The following TAF4B variants were observed in gnomAD, a reference collection of about 807,000 sequenced individuals.
TAF4B encodes the protein transcription initiation factor TFIID subunit 4B.
In TAF4B, 38 loss-of-function variants were observed where a neutral mutation model predicts 86.4. That is an observed-to-expected ratio of 0.44 (90% CI 0.34 to 0.58). The LOEUF (loss-of-function observed/expected upper bound fraction) is 0.58, where lower values mean the gene tolerates loss of function less well. Among genes scored for constraint, TAF4B ranks in the 20% least tolerant of loss-of-function variants. The probability of loss-of-function intolerance (pLI) is 0.02; values close to 1 mark genes in which losing one functional copy is unlikely to be tolerated. For synonymous variants in TAF4B, 388 were observed against 391.2 expected (o/e 0.99, Z 0.10); for missense variants, 988 against 1,027.6 (o/e 0.96, Z 0.53).
rs1417935272 is a variant in TAF4B, at chr18:26,292,374, T to C, written c.1719T>C (p.Phe573=). Residue 573 remains phenylalanine, a synonymous_variant, in exon 8 of 15, where the codon TTT becomes TTC. Transcript: ENST00000269142. Reference sequence around the variant, plus strand: ...ACACCATAATACCTACTAGTCAGTTTCCTCCAGGTAGATGCTGGTCCATCT... The same window carrying C: ...ACACCATAATACCTACTAGTCAGTTCCCTCCAGGTAGATGCTGGTCCATCT... The part of the protein sequence containing the change: ...PVNTIIPTSQ[F]PPASILKQIT... The C allele has an allele frequency of 3.1e-6, 5 of 1,612,370 alleles. No homozygotes were observed. In the South Asian group the frequency reaches 5.5e-5, roughly 18 times the overall value.
At chr18:26,291,569 TG>T (rs2056593453) in intron 7 of TAF4B, among the ~76,000 whole-genome samples, 1 of 151,692 alleles carries the variant, frequency 6.6e-6, no homozygotes, top group African/African-American at 2.4e-5. Flanking sequence ...TAGCCAGGCC[TG>T]GTGGTGCGTG....
chr18:26,301,749 C>T (rs12964759), intron 9 of TAF4B, among the ~76,000 whole-genome samples: 38,793 of 152,064 alleles, frequency 0.26, 5,270 homozygotes, highest in Non-Finnish European at 0.3. Context: ...AAATGCCTCA[C>T]TTATTAATAG....
chr18:26,330,984 C>G (rs575628542), intron 12 of TAF4B, among the ~76,000 whole-genome samples: 1 of 152,152 alleles, frequency 6.6e-6, no homozygotes, highest in Non-Finnish European at 1.5e-5. Context: ...ACCCCCACTC[C>G]CTCACCACCT....
chr18:26,240,694 A>G (rs1289526317), intron 1 of TAF4B, among the ~76,000 whole-genome samples: 2 of 152,086 alleles, frequency 1.3e-5, no homozygotes, highest in African/African-American at 4.8e-5. Context: ...CAGTTTTTGT[A>G]CATTCAGTAT....
chr18:26,389,948 T>G lies in TAF4B; in HGVS notation c.2525T>G (p.Phe842Cys), dbSNP rs1978608022. Residue 842 changes from phenylalanine to cysteine, a missense_variant, in exon 15 of 15, where the codon TTT (phenylalanine) becomes TGT (cysteine). This residue lies in a region of TAF4B where 216 missense variants were observed against 238.4 expected (regional missense o/e 0.91). Coordinates refer to ENST00000269142, the MANE Select transcript of TAF4B (RefSeq NM_005640.3). ...AGAATCTGCCTCAGGGACTTGATAT[T>G]TTGTATGGAACAGGAACGGGAGATG... ...ITRICLRDLI[F>C]CMEQEREMKY... 6.2e-7 allele frequency: 1 copy of G among 1,614,034 alleles called. No individual in the cohort carries two copies. Among genetic ancestry groups the G allele is most frequent in the Admixed American group, 1.7e-5 (1 of 60,004 alleles).
intron 14 of TAF4B, among the ~76,000 whole-genome samples, chr18:26,370,270 T>A (rs1322267773): frequency 6.6e-6 from 1 of 152,244 alleles, no homozygotes; most frequent in Non-Finnish European, 1.5e-5. Context: ...ACCCAAAGTC[T>A]GTTTCCTGCA....
chr18:26,302,127 A>T (rs2056740184), intron 9 of TAF4B, among the ~76,000 whole-genome samples: 1 of 152,190 alleles, frequency 6.6e-6, no homozygotes. Flanking sequence ...TCTGTAACAG[A>T]AACAGAAGTC....
At chr18:26,273,148 G>T (rs1289831415) in intron 3 of TAF4B, among the ~76,000 whole-genome samples, 3 of 152,156 alleles carry the variant, frequency 2.0e-5, no homozygotes, top group Non-Finnish European at 1.5e-5. Flanking sequence ...TAAGACAGGA[G>T]TTATGCAAAA....
At chr18:26,350,554 T>TA (rs1195937760) in intron 13 of TAF4B, among the ~76,000 whole-genome samples, 1 of 152,290 alleles carries the variant, frequency 6.6e-6, no homozygotes, top group East Asian at 1.9e-4. Flanking sequence ...CATAGGCCTG[T>TA]AGTCCTAGCT....
rs936054841 is a variant in TAF4B, at chr18:26,233,607, T to C, written c.343+6331T>C. Among the ~76,000 whole-genome samples, 3 of 152,148 alleles carry C rather than the reference T, an allele frequency of 2.0e-5. No individual in the cohort carries two copies. The South Asian group carries it at 6.2e-4, about 32-fold the overall frequency. ...AGGCCTGATAACAGGTTGCGCTGCA[T>C]GCATAAAGGGGCTTGGGAAGTTAAG... On this transcript the variant is annotated intron_variant, in intron 1 of 14. Coordinates refer to ENST00000269142, the MANE Select transcript of TAF4B (RefSeq NM_005640.3).
chr18:26,286,554 C>T (rs2056526154), intron 7 of TAF4B, 55 bp downstream of exon 7: 3 of 1,531,240 alleles, frequency 2.0e-6, no homozygotes, highest in Admixed American at 4.2e-5. Context: ...TTTGAACATT[C>T]AGAAAACTGG....
intron 13 of TAF4B, among the ~76,000 whole-genome samples, chr18:26,347,894 A>T (rs1407674670): frequency 6.6e-6 from 1 of 152,248 alleles, no homozygotes; most frequent in Non-Finnish European, 1.5e-5. Context: ...TGTGTACCCA[A>T]CACTGGACCA....
At chr18:26,259,718 A>G (rs900518349) in intron 1 of TAF4B, among the ~76,000 whole-genome samples, 7 of 152,142 alleles carry the variant, frequency 4.6e-5, no homozygotes, top group Admixed American at 6.5e-5. Flanking sequence ...AGTCTTTGCT[A>G]TTGTGAATAG....
intron 14 of TAF4B, among the ~76,000 whole-genome samples, chr18:26,376,469 T>G (rs192732811): frequency 1.2e-3 from 176 of 152,140 alleles, no homozygotes; most frequent in Non-Finnish European, 2.0e-3. Context: ...ATTTTATTTT[T>G]GGGTTGTGCA....
intron 1 of TAF4B, among the ~76,000 whole-genome samples, chr18:26,261,067 T>C (rs573718354): frequency 7.9e-5 from 12 of 152,170 alleles, no homozygotes; most frequent in African/African-American, 2.9e-4. Context: ...TTTTGATTTT[T>C]AAAAAAGGTC....
chr18:26,323,520 C>G (rs946701666), intron 11 of TAF4B, among the ~76,000 whole-genome samples: 12 of 97,888 alleles, frequency 1.2e-4, no homozygotes, highest in Non-Finnish European at 2.4e-4. Flanking sequence ...CCACCACACC[C>G]AACTAATTTT....
chr18:26,321,213 A>G lies in TAF4B; in HGVS notation c.2133+13A>G, dbSNP rs2056959723. The G allele has an allele frequency of 1.9e-6, 3 of 1,613,308 alleles. No individual in the cohort carries two copies. Among genetic ancestry groups the G allele is most frequent in the African/African-American group, 1.3e-5 (1 of 74,932 alleles). Reference sequence around the variant, plus strand: ...GACTACTTACAAGGTAAAGGAAATCATTAAAGAAGTATAAACTCTCGAGTG... The same window carrying G: ...GACTACTTACAAGGTAAAGGAAATCGTTAAAGAAGTATAAACTCTCGAGTG... On this transcript the variant is annotated intron_variant, in intron 11 of 14. Transcript: ENST00000269142.
At chr18:26,303,617 A>T (rs1461287157) in intron 9 of TAF4B, among the ~76,000 whole-genome samples, 6 of 84,810 alleles carry the variant, frequency 7.1e-5, no homozygotes, top group South Asian at 9.2e-4. Flanking sequence ...CTCCACTTTC[A>T]TCCTCCCTCC....
intron 12 of TAF4B, among the ~76,000 whole-genome samples, chr18:26,330,875 A>T (rs2057044456): frequency 6.6e-6 from 1 of 152,208 alleles, no homozygotes; most frequent in African/African-American, 2.4e-5. Context: ...TCAACTAGCC[A>T]TGCTGGCTGA....
Sources: gnomAD v4.1 joint callset for allele counts (sites outside exome capture counted in the v4.1 genomes callset) on GRCh38, gnomAD v4.1.1 for gene constraint, gnomAD v4.1.1 regional missense constraint, MANE v1.5 for transcripts, NCBI Gene and HGNC (gene_info 2026-07-23, HGNC 2026-07-21) for gene names.